Variants in CD163 observed in about 807,000 individuals in gnomAD.
CD163 encodes scavenger receptor cysteine-rich type 1 protein M130.
In CD163, 64 loss-of-function variants were observed where a neutral mutation model predicts 129.2. The ratio of observed to expected loss-of-function variants is 0.50; its 90% CI spans 0.41 to 0.61. CD163 has a LOEUF of 0.61. CD163 is among the 20% of genes least tolerant of loss of function. The pLI, the probability that CD163 is intolerant of heterozygous loss-of-function variation, is 0.00. For synonymous variants in CD163, 446 were observed against 478.5 expected (o/e 0.93, Z 0.89); for missense variants, 1,061 against 1,377.9 (o/e 0.77, Z 3.64).
chr12:7,492,715 A>AG lies in CD163; in HGVS notation c.1420+2365dup, dbSNP rs1949342698. Among the ~76,000 whole-genome samples the AG allele has an allele frequency of 7.9e-5, 12 of 152,242 alleles. No individual in the cohort carries two copies. In the South Asian group the frequency reaches 2.1e-3, roughly 26 times the overall value. On this transcript the variant is annotated intron_variant, in intron 6 of 16. Coordinates refer to ENST00000432237, the MANE Select transcript of CD163 (RefSeq NM_203416.4). Reference sequence around the variant, plus strand: ...TGGGAGGAGAAATATCAATTTTATAAGGGGGTATGGTCTGCCTGCAGGTGT... The same window carrying AG: ...TGGGAGGAGAAATATCAATTTTATAAGGGGGGTATGGTCTGCCTGCAGGTGT...
At chr12:7,501,072 A>T in intron 3 of CD163, 67 bp downstream of exon 3, 1 of 1,375,272 alleles carries the variant, frequency 7.3e-7, no homozygotes, top group Non-Finnish European at 1.0e-6. Flanking sequence ...TCTAGGTTTT[A>T]ACCCATCTAC....
At position 7,495,317 on chromosome 12, in the gene CD163, C is replaced by T; in HGVS notation, c.1184G>A (p.Gly395Glu). The part of the protein sequence containing the change: ...TVEVEIQRLL[G>E]KVCDRGWGLK... ...TCCCCAGCCTCTGTCACACACCTTC[C>T]CTAACAGTCTCTGAATCTCCACCTC... The change falls in exon 6 of 17, where the codon GGG (glycine) becomes GAG (glutamate). Residue 395 changes from glycine (G) to glutamate (E), a missense_variant. Physicochemically the swap from Gly to Glu is moderately conservative, Grantham distance 98. Transcript: ENST00000432237. The T allele has an allele frequency of 6.2e-7, 1 of 1,614,142 alleles. No homozygotes were observed. Among genetic ancestry groups the T allele is most frequent in the Non-Finnish European group, 8.5e-7 (1 of 1,180,018 alleles).
rs1245209448 is a variant in CD163 at position 7,488,036 on chromosome 12, A to G, written c.1472T>C (p.Val491Ala). ...VGGDIPCSGR[V>A]EVKHGDTWGS... ...CCACGTGTCACCATGCTTCACTTCA[A>G]CACGTCCAGAACAGGGAATGTCCCC... is the stretch of plus-strand genomic sequence containing the variant. The change falls in exon 7 of 17, where the codon GTT becomes GCT. Residue 491 changes from valine (V) to alanine (A), a missense_variant. Transcript: ENST00000432237. The G allele has an allele frequency of 1.2e-6, 2 of 1,614,076 alleles. No individual in the cohort carries two copies. Among genetic ancestry groups the G allele is most frequent in the Non-Finnish European group, 1.7e-6 (2 of 1,179,984 alleles).
intron 12 of CD163, 174 bp downstream of exon 12, chr12:7,483,193 G>A: frequency 2.5e-6 from 2 of 796,608 alleles, no homozygotes; most frequent in Non-Finnish European, 3.9e-6. Context: ...CCTTGGTGAA[G>A]GCCGTTGTAT....
intron 6 of CD163, among the ~76,000 whole-genome samples, chr12:7,493,779 A>T (rs1261636244): frequency 6.6e-6 from 1 of 152,146 alleles, no homozygotes; most frequent in Admixed American, 6.5e-5. Flanking sequence ...AGAAAAGTAA[A>T]TTTTAATGAA....
intron 6 of CD163, among the ~76,000 whole-genome samples, chr12:7,494,183 T>C (rs1949367030): frequency 6.6e-6 from 1 of 152,208 alleles, no homozygotes; most frequent in South Asian, 2.1e-4. Flanking sequence ...AATTGGATAG[T>C]AGTGGGGGAA....
At chr12:7,490,937 T>C (rs1003058647) in intron 6 of CD163, among the ~76,000 whole-genome samples, 1 of 151,988 alleles carries the variant, frequency 6.6e-6, no homozygotes, top group African/African-American at 2.4e-5. Context: ...TTTCTTCTTT[T>C]TGAATCTTTA....
intron 6 of CD163, among the ~76,000 whole-genome samples, chr12:7,488,674 T>C (rs999830266): frequency 1.3e-5 from 2 of 152,186 alleles, no homozygotes; most frequent in African/African-American, 2.4e-5. Flanking sequence ...TCCGTAACCT[T>C]CTCATCTGCT....
chr12:7,478,594 CT>C (rs1448976295), intron 16 of CD163, among the ~76,000 whole-genome samples: 2 of 151,820 alleles, frequency 1.3e-5, no homozygotes, highest in Non-Finnish European at 2.9e-5. Flanking sequence ...TGTACAGTTT[CT>C]AAGAACTCTA....
chr12:7,492,370 A>C (rs754244025), intron 6 of CD163, among the ~76,000 whole-genome samples: 1 of 152,268 alleles, frequency 6.6e-6, no homozygotes, highest in East Asian at 1.9e-4. Context: ...TGTTACCATA[A>C]GTAAGGTATT....
rs186309136 is a variant in CD163, at chr12:7,485,410, A to G, written c.2465T>C (p.Met822Thr). The G allele has an allele frequency of 3.9e-5, 63 of 1,610,436 alleles. 2 individuals are homozygous for G. Among genetic ancestry groups the G allele is most frequent in the South Asian group, 3.7e-4 (34 of 90,836 alleles). Residue 822 changes from methionine to threonine, a missense_variant, in exon 11 of 17, where the codon ATG becomes ACG. By Grantham distance (81) the Met-to-Thr change is moderately conservative. Transcript: ENST00000432237. This position sits in a 1 kb window ranked among gnomAD's most constrained non-coding sequence, Gnocchi z 4.5. Reference protein sequence around the residue: ...EDAGVICSEFMSLRLTSEASR... With the variant: ...EDAGVICSEFTSLRLTSEASR... ...GGCTTCACTGGTCAGTCTCAGAGAC[A>G]TGAATTCTGCAGCGAAACATAGAAT...
chr12:7,490,623 G>A (rs2136716754), intron 6 of CD163, among the ~76,000 whole-genome samples: 1 of 151,956 alleles, frequency 6.6e-6, no homozygotes, highest in East Asian at 1.9e-4. Flanking sequence ...CAATGATATA[G>A]ATACACCATC....
Position 7,483,035 on chromosome 12 carries a change from T to C in CD163, c.3089-31A>G, listed in dbSNP as rs751787741. ...GGAGAAAAGAAAGAGAGAGGGTTAATTCTTTGCATGATATATAGAACAAGC... is the reference window on the plus strand; with the variant it reads ...GGAGAAAAGAAAGAGAGAGGGTTAACTCTTTGCATGATATATAGAACAAGC... On this transcript the variant is annotated intron_variant, in intron 12 of 16. Transcript: ENST00000432237. 10 of 1,606,976 alleles carry C rather than the reference T, an allele frequency of 6.2e-6. No homozygotes were observed. The African/African-American group carries it at 1.1e-4, about 17-fold the overall frequency.
Position 7,471,332 on chromosome 12 carries a change from T to C in CD163, c.*97A>G, listed in dbSNP as rs1949000098. The stretch of plus-strand genomic sequence containing the variant: ...ATAAAAATGCAACTGTAATAGTCAG[T>C]GAGAGAGGTGAATTTCTGCTCCATT... On this transcript the variant is annotated 3_prime_UTR_variant, in exon 17 of 17. Transcript: ENST00000432237. The C allele has an allele frequency of 6.6e-6, 1 of 152,168 alleles. No individual in the cohort carries two copies. Among genetic ancestry groups the C allele is most frequent in the African/African-American group, 2.4e-5 (1 of 41,398 alleles). The allele number at this position is 152,168 out of a possible 1,614,324, so 9.4% of individuals were successfully genotyped here. A position where few individuals can be genotyped will look rare whatever the true frequency, so the allele number is the denominator to read the frequency against.
At chr12:7,481,874 G>C (rs1949167144) in intron 14 of CD163, among the ~76,000 whole-genome samples, 1 of 150,970 alleles carries the variant, frequency 6.6e-6, no homozygotes, top group South Asian at 2.1e-4. Context: ...TCATCCTTTA[G>C]GCTTCTCTAG....
chr12:7,501,602 T>C, intron 2 of CD163, 140 bp from the exon 3 acceptor site: 1 of 650,346 alleles, frequency 1.5e-6, no homozygotes, highest in South Asian at 1.9e-5. Flanking sequence ...CAGAAGAATG[T>C]TATTTCACAG....
At chr12:7,500,902 C>T (rs776149263) in intron 3 of CD163, among the ~76,000 whole-genome samples, 41 of 152,114 alleles carry the variant, frequency 2.7e-4, no homozygotes, top group African/African-American at 9.6e-4. Flanking sequence ...GGCTTTTTGG[C>T]TAAGATCATG....
rs1040900739 is a variant in CD163 at position 7,486,729 on chromosome 12, A to G, written c.2228T>C (p.Ile743Thr). The G allele has an allele frequency of 6.2e-7, 1 of 1,614,160 alleles. No homozygotes were observed. The highest frequency in any genetic ancestry group is 8.5e-7 in the Non-Finnish European group (1 of 1,180,002). ...ACTCAGGTCCCAGCTGTCATCACAG[A>G]TGGTGCCCCAGGAGCCCTCATGATA... ...EIYHEGSWGT[I>T]CDDSWDLSDA... The change falls in exon 10 of 17, where the codon ATC (isoleucine) becomes ACC (threonine). Residue 743 changes from isoleucine (I) to threonine (T), a missense_variant. Transcript: ENST00000432237.
intron 3 of CD163, 146 bp from the exon 4 acceptor site, chr12:7,499,334 G>T (rs902896686): frequency 1.1e-5 from 7 of 621,318 alleles, no homozygotes; most frequent in Admixed American, 6.0e-5. Context: ...ACACGGTAGA[G>T]AATTTTAATA....
Sources: allele counts gnomAD v4.1 joint callset (sites outside exome capture counted in the v4.1 genomes callset), GRCh38; gene constraint gnomAD v4.1.1; non-coding constraint Gnocchi (gnomAD v3.1); transcripts MANE v1.5; gene names NCBI Gene and HGNC (gene_info 2026-07-23, HGNC 2026-07-21).